ADCY1: variants seen among roughly 807,000 people sequenced by gnomAD.
ADCY1 encodes the protein adenylate cyclase type 1.
A neutral mutation model predicts 105.4 loss-of-function variants in ADCY1; 28 were observed. The observed-to-expected ratio is 0.27, with a 90% CI of 0.20 to 0.36. ADCY1 has a LOEUF of 0.36. Ranked by LOEUF, ADCY1 falls within the 10% of genes least tolerant of loss-of-function variation. The probability of loss-of-function intolerance (pLI) is 1.00; values close to 1 mark genes in which losing one functional copy is unlikely to be tolerated. For synonymous variants in ADCY1, 655 were observed against 623.8 expected (o/e 1.05, Z -0.75); for missense variants, 977 against 1,434.2 (o/e 0.68, Z 5.15).
chr7:45,580,873 A>G (rs895586089), intron 1 of ADCY1, among the ~76,000 whole-genome samples: 5 of 152,006 alleles, frequency 3.3e-5, no homozygotes, highest in Non-Finnish European at 7.4e-5. Context: ...CACTGTCACC[A>G]CTGGCTTTTA....
At chr7:45,659,513 G>C (rs927550206) in intron 6 of ADCY1, among the ~76,000 whole-genome samples, 1 of 152,174 alleles carries the variant, frequency 6.6e-6, no homozygotes, top group Non-Finnish European at 1.5e-5. Context: ...CCAGAAGATT[G>C]GGTTGGGGAG....
intron 11 of ADCY1, among the ~76,000 whole-genome samples, chr7:45,680,919 C>T (rs983952967): frequency 1.3e-5 from 2 of 152,322 alleles, no homozygotes; most frequent in African/African-American, 4.8e-5. Context: ...CCAAGGAATG[C>T]GCCAGCCTGG....
chr7:45,584,616 G>C (rs1792664184), intron 1 of ADCY1, among the ~76,000 whole-genome samples: 1 of 152,184 alleles, frequency 6.6e-6, no homozygotes, highest in South Asian at 2.1e-4. Context: ...CTGACAACTG[G>C]GCTCAGTGCT....
intron 8 of ADCY1, among the ~76,000 whole-genome samples, chr7:45,676,912 GC>G (rs545578201): frequency 6.7e-5 from 10 of 149,398 alleles, no homozygotes; most frequent in Admixed American, 1.3e-4. Flanking sequence ...TTGCTAGGTT[GC>G]CCCTTTTTTT....
At chr7:45,581,668 T>G (rs537229024) in intron 1 of ADCY1, among the ~76,000 whole-genome samples, 55 of 152,248 alleles carry the variant, frequency 3.6e-4, no homozygotes, top group African/African-American at 1.2e-3. Context: ...AACCCCCTTG[T>G]GGAGTTCACA....
At chr7:45,600,759 C>A (rs886321104) in intron 2 of ADCY1, among the ~76,000 whole-genome samples, 1 of 152,218 alleles carries the variant, frequency 6.6e-6, no homozygotes, top group Non-Finnish European at 1.5e-5. Flanking sequence ...CCTTGACTTA[C>A]CGATGGCCAT....
chr7:45,677,223 C>T (rs1175959989), intron 8 of ADCY1, among the ~76,000 whole-genome samples: 10 of 152,220 alleles, frequency 6.6e-5, no homozygotes. Flanking sequence ...TCTGGAACCG[C>T]ATGGCTAGCC....
rs1785467945 is a variant in ADCY1, at chr7:45,721,344, G to C, written c.*7349G>C. ...CCCCAGCAAGGAAATAAAATGTTAG[G>C]CTTTAAAAATCCCTACTTTGTCATA... is the stretch of plus-strand genomic sequence containing the variant. On this transcript the variant is annotated 3_prime_UTR_variant, in exon 20 of 20. Transcript: ENST00000297323. 1 of 222,286 alleles carries C rather than the reference G, an allele frequency of 4.5e-6. No individual in the cohort carries two copies. Among genetic ancestry groups the C allele is most frequent in the Admixed American group, 5.8e-5 (1 of 17,376 alleles). 13.8% of individuals were successfully genotyped at this position (222,286 alleles called of 1,614,324 possible).
At chr7:45,699,790 T>G (rs1347926773) in intron 14 of ADCY1, among the ~76,000 whole-genome samples, 1 of 152,118 alleles carries the variant, frequency 6.6e-6, no homozygotes, top group Non-Finnish European at 1.5e-5. Flanking sequence ...AGGGTGCCAG[T>G]AGTGTTCCTC....
intron 8 of ADCY1, among the ~76,000 whole-genome samples, chr7:45,666,047 C>T (rs1324089597): frequency 6.6e-6 from 1 of 152,134 alleles, no homozygotes; most frequent in Non-Finnish European, 1.5e-5. Context: ...TGCACCTGAG[C>T]CTTGGTTTCC....
intron 3 of ADCY1, 111 bp downstream of exon 3, chr7:45,610,608 G>T: frequency 1.1e-6 from 1 of 943,162 alleles, no homozygotes; most frequent in South Asian, 1.5e-5. Flanking sequence ...GGATGGAGGT[G>T]GGGAAAGAAT....
intron 2 of ADCY1, among the ~76,000 whole-genome samples, chr7:45,594,433 C>A (rs1190183547): frequency 3.9e-5 from 6 of 152,154 alleles, no homozygotes; most frequent in Admixed American, 3.9e-4. Flanking sequence ...CCCTGTTCTC[C>A]CCTTAACTAC....
In ADCY1 at chr7:45,685,219, G is replaced by T. The variant is rs1784642350; in HGVS notation, c.2073+151G>T. The T allele has an allele frequency of 5.6e-6, 4 of 708,322 alleles. No individual in the cohort carries two copies. The Admixed American group carries it at 9.2e-5, about 16-fold the overall frequency. The allele number at this position is 708,322 out of a possible 1,614,324, so 43.9% of individuals were successfully genotyped here. On this transcript the variant is annotated intron_variant, in intron 12 of 19. Coordinates refer to ENST00000297323, the MANE Select transcript of ADCY1 (RefSeq NM_021116.4). ...GGGGCCCCAAGGAGCCAGGGAACAA[G>T]AGACTTTACTTAGCAGAGGAAAATG...
intron 4 of ADCY1, among the ~76,000 whole-genome samples, chr7:45,638,153 C>G (rs1404450185): frequency 6.6e-6 from 1 of 152,132 alleles, no homozygotes; most frequent in South Asian, 2.1e-4. Context: ...AAAAAAAAAC[C>G]TGGGTGATCC....
At chr7:45,576,293 C>T (rs1792345615) in intron 1 of ADCY1, among the ~76,000 whole-genome samples, 1 of 152,064 alleles carries the variant, frequency 6.6e-6, no homozygotes, top group South Asian at 2.1e-4. Flanking sequence ...GGGACCAGCA[C>T]CCAAGGATCT....
At chr7:45,619,644 AT>A (rs1793838311) in intron 3 of ADCY1, among the ~76,000 whole-genome samples, 1 of 152,216 alleles carries the variant, frequency 6.6e-6, no homozygotes, top group African/African-American at 2.4e-5. Flanking sequence ...TAAGAGAAAT[AT>A]CTGCATGATC....
intron 5 of ADCY1, among the ~76,000 whole-genome samples, chr7:45,650,203 T>C (rs1794772176): frequency 6.6e-6 from 1 of 152,204 alleles, no homozygotes; most frequent in African/African-American, 2.4e-5. Context: ...TTTCATGTAA[T>C]ATATATCACA....
In ADCY1 at chr7:45,717,472, G is replaced by A. The variant is rs200710837; in HGVS notation, c.*3477G>A. 6.6e-6 allele frequency: 1 copy of A among 152,608 alleles called. No homozygotes were observed. Among genetic ancestry groups the A allele is most frequent in the East Asian group, 1.9e-4 (1 of 5,202 alleles). 9.5% of individuals were successfully genotyped at this position (152,608 alleles called of 1,614,324 possible). On this transcript the variant is annotated 3_prime_UTR_variant, in exon 20 of 20. Coordinates refer to ENST00000297323, the MANE Select transcript of ADCY1 (RefSeq NM_021116.4). Reference sequence around the variant, plus strand: ...TCATGTACAATATTCATGTACAAATGTTAGAGCCATTCGGGTAGGATTCTC... The same window carrying A: ...TCATGTACAATATTCATGTACAAATATTAGAGCCATTCGGGTAGGATTCTC...
chr7:45,649,702 G>T (rs1794758823), intron 5 of ADCY1, among the ~76,000 whole-genome samples: 1 of 152,240 alleles, frequency 6.6e-6, no homozygotes, highest in South Asian at 2.1e-4. Context: ...GAAGGAGGCG[G>T]TTGGGAGGAG....
Sources: gnomAD v4.1 joint callset for allele counts (sites outside exome capture counted in the v4.1 genomes callset) on GRCh38, gnomAD v4.1.1 for gene constraint, MANE v1.5 for transcripts, NCBI Gene and HGNC (gene_info 2026-07-23, HGNC 2026-07-21) for gene names.